The following IL36B variants were observed in gnomAD, a reference collection of about 807,000 sequenced individuals.
IL36B encodes interleukin 36 beta.
IL36B carries 23 observed loss-of-function variants against 19.3 expected under a neutral mutation model. The observed-to-expected ratio is 1.19, with a 90% CI of 0.86 to 1.69. The LOEUF is 1.69. Among genes scored for constraint, IL36B ranks in the 40% most tolerant of loss-of-function variants. IL36B has a pLI of 0.00. For missense variants in IL36B, 217 were observed against 200.5 expected (o/e 1.08, Z -0.50); for synonymous variants, 59 against 59.7 (o/e 0.99, Z 0.05).
At chr2:113,029,840 G>C (rs1685040715) in intron 3 of IL36B, among the ~76,000 whole-genome samples, 1 of 152,146 alleles carries the variant, frequency 6.6e-6, no homozygotes, top group South Asian at 2.1e-4. Flanking sequence ...TGAGCCCTGA[G>C]GAACGCCATC....
At chr2:113,039,444 TAG>T (rs1196911360) in intron 1 of IL36B, among the ~76,000 whole-genome samples, 3 of 152,146 alleles carry the variant, frequency 2.0e-5, no homozygotes, top group South Asian at 2.1e-4. Context: ...ACTGATAAAA[TAG>T]AGTTTACAAT....
chr2:113,044,282 G>C (rs1573376403), intron 1 of IL36B, among the ~76,000 whole-genome samples: 1 of 122,334 alleles, frequency 8.2e-6, no homozygotes. Flanking sequence ...GTGTGTGTGT[G>C]TGTGTGTGTG....
intron 5 of IL36B, among the ~76,000 whole-genome samples, chr2:113,025,129 T>C (rs1684933354): frequency 6.6e-6 from 1 of 152,204 alleles, no homozygotes; most frequent in South Asian, 2.1e-4. Flanking sequence ...CTCCTGGGGA[T>C]ACCCTTGGTT....
chr2:113,044,512 T>A (rs1352815814), intron 1 of IL36B, among the ~76,000 whole-genome samples: 1 of 152,120 alleles, frequency 6.6e-6, no homozygotes, highest in African/African-American at 2.4e-5. Context: ...AGGCTCACTT[T>A]GTCTAATATT....
chr2:113,031,217 C>T (rs1292682759), intron 2 of IL36B, 62 bp from the exon 3 acceptor site: 2 of 1,098,722 alleles, frequency 1.8e-6, no homozygotes, highest in South Asian at 1.3e-5. Flanking sequence ...ACTCCAGTTG[C>T]ATCCTGGTAT....
chr2:113,024,613 G>C (rs989092501), intron 5 of IL36B, among the ~76,000 whole-genome samples: 5 of 152,156 alleles, frequency 3.3e-5, no homozygotes, highest in Non-Finnish European at 7.3e-5. Context: ...TCTTTCTGTG[G>C]TTTCTCCTCC....
At chr2:113,037,476 C>T (rs1685184178) in intron 1 of IL36B, among the ~76,000 whole-genome samples, 1 of 151,968 alleles carries the variant, frequency 6.6e-6, no homozygotes, top group African/African-American at 2.4e-5. Flanking sequence ...ATGGAGAAAC[C>T]CCATCTCTAT....
chr2:113,040,248 A>G (rs923918658), intron 1 of IL36B, among the ~76,000 whole-genome samples: 1 of 152,232 alleles, frequency 6.6e-6, no homozygotes, highest in Non-Finnish European at 1.5e-5. Context: ...TAGGAATAGA[A>G]GAAAACTTCA....
intron 1 of IL36B, among the ~76,000 whole-genome samples, chr2:113,039,988 G>A (rs1900287): frequency 0.79 from 119,661 of 152,202 alleles, 48,009 homozygotes; most frequent in East Asian, 0.94. Context: ...TGAAAGTTTC[G>A]TAAGGTGGGC....
At chr2:113,048,945 TTTTAAAAATGTTTAATAA>T (rs1186411346) in intron 1 of IL36B, among the ~76,000 whole-genome samples, 28 of 152,358 alleles carry the variant, frequency 1.8e-4, no homozygotes, top group African/African-American at 6.3e-4. Flanking sequence ...ATTGAATTTA[TTTTAAAAATGTTTAATAA>T]TTTAAAATAT....
At chr2:113,051,447 C>T (rs559898905) in intron 1 of IL36B, among the ~76,000 whole-genome samples, 6 of 150,974 alleles carry the variant, frequency 4.0e-5, no homozygotes, top group South Asian at 2.1e-4. Context: ...CACACTCTCT[C>T]TCAGAGCCTC....
intron 4 of IL36B, among the ~76,000 whole-genome samples, chr2:113,026,761 C>T (rs1358372473): frequency 6.6e-6 from 1 of 152,154 alleles, no homozygotes; most frequent in Non-Finnish European, 1.5e-5. Flanking sequence ...ATAGCTGATG[C>T]TTCTTCTTCC....
chr2:113,031,968 G>T (rs997839517), intron 1 of IL36B, among the ~76,000 whole-genome samples: 1 of 152,126 alleles, frequency 6.6e-6, no homozygotes, highest in Non-Finnish European at 1.5e-5. Flanking sequence ...TCTCTGCTGT[G>T]GCTGGCACAG....
chr2:113,025,132 C>A (rs1684933515), intron 5 of IL36B, among the ~76,000 whole-genome samples: 1 of 152,130 alleles, frequency 6.6e-6, no homozygotes, highest in Non-Finnish European at 1.5e-5. Flanking sequence ...CTGGGGATAC[C>A]CTTGGTTATG....
In IL36B at chr2:113,051,106, C is replaced by T. The variant is rs182052643; in HGVS notation, c.-58+1711G>A. The stretch of plus-strand genomic sequence containing the variant: ...CCTCCCGACCTAGCCTGGTGGAGAG[C>T]GCCCCCTGCCGGTAGATCCTGGCCC... On this transcript the variant is annotated intron_variant, in intron 1 of 5. Transcript: ENST00000259213. Among the ~76,000 whole-genome samples, 758 of 152,294 alleles carry T rather than the reference C, an allele frequency of 5.0e-3. 4 individuals are homozygous for T. Among genetic ancestry groups the T allele is most frequent in the African/African-American group, 0.017 (698 of 41,562 alleles).
At chr2:113,023,727 A>T (rs1684903213) in intron 5 of IL36B, among the ~76,000 whole-genome samples, 1 of 152,168 alleles carries the variant, frequency 6.6e-6, no homozygotes, top group South Asian at 2.1e-4. Context: ...CCTAGAGTTG[A>T]CTTTGAAGTA....
intron 2 of IL36B, among the ~76,000 whole-genome samples, chr2:113,031,375 T>G (rs1420537702): frequency 6.6e-6 from 1 of 152,084 alleles, no homozygotes; most frequent in African/African-American, 2.4e-5. Context: ...AAGATTCACC[T>G]TTTTCTAGGG....
rs544960024 is a variant in IL36B, at chr2:113,048,481, T to C, written c.-58+4336A>G. ...AAACACCCCCAAAATTATAGCTAAATTTGTGGGATACAACTAAATCATGCT... is the reference window on the plus strand; with the variant it reads ...AAACACCCCCAAAATTATAGCTAAACTTGTGGGATACAACTAAATCATGCT... On this transcript the variant is annotated intron_variant, in intron 1 of 5. Coordinates refer to ENST00000259213, the MANE Select transcript of IL36B (RefSeq NM_014438.5). 9.2e-5 allele frequency among the ~76,000 whole-genome samples: 14 copies of C among 152,176 alleles called. 1 individual carries two copies. Among genetic ancestry groups the C allele is most frequent in the African/African-American group, 3.4e-4 (14 of 41,536 alleles).
chr2:113,042,598 AT>A (rs1409101023), intron 1 of IL36B, among the ~76,000 whole-genome samples: 1 of 152,176 alleles, frequency 6.6e-6, no homozygotes, highest in Non-Finnish European at 1.5e-5. Flanking sequence ...TATATAATTG[AT>A]TTTGTCTGGC....
Sources: allele counts gnomAD v4.1 joint callset (sites outside exome capture counted in the v4.1 genomes callset), GRCh38; gene constraint gnomAD v4.1.1; transcripts MANE v1.5; gene names NCBI Gene and HGNC (gene_info 2026-07-23, HGNC 2026-07-21).